The following POMGNT2 variants were observed in gnomAD, a reference collection of about 807,000 sequenced individuals.
The protein encoded by POMGNT2 is protein O-linked mannose N-acetylglucosaminyltransferase 2 (beta 1,4-).
POMGNT2 carries 32 observed loss-of-function variants against 37.8 expected under a neutral mutation model. The observed-to-expected ratio is 0.85, with a 90% CI of 0.64 to 1.14. The LOEUF is 1.14. Among genes scored for constraint, POMGNT2 ranks in the 50% most tolerant of loss-of-function variants. The pLI, the probability that POMGNT2 is intolerant of heterozygous loss-of-function variation, is 0.00. For synonymous variants in POMGNT2, 340 were observed against 336.8 expected (o/e 1.01, Z -0.10); for missense variants, 705 against 780.6 (o/e 0.90, Z 1.15).
At chr3:43,093,156 G>A (rs2089956292) in intron 1 of POMGNT2, among the ~76,000 whole-genome samples, 1 of 152,212 alleles carries the variant, frequency 6.6e-6, no homozygotes, top group South Asian at 2.1e-4. Context: ...GCAGGCAGGA[G>A]TCTAGGGTCC....
Position 43,079,701 on chromosome 3 carries a change from C to A in POMGNT2, c.1731G>T (p.Val577=). ...ILLGPFADVL[V]CNT ...TGTGGCCTGCTCGCTACGTGTTGCACACCAGCACATCTGCAAAGGGTCCCA... is the reference window on the plus strand; with the variant it reads ...TGTGGCCTGCTCGCTACGTGTTGCAAACCAGCACATCTGCAAAGGGTCCCA... Residue 577 remains valine, a synonymous_variant, in exon 2 of 2, where the codon GTG becomes GTT. Transcript: ENST00000344697. 1 of 1,612,818 alleles carries A rather than the reference C, an allele frequency of 6.2e-7. No homozygotes were observed.
At chr3:43,085,614 CTCTT>C (rs764195147) in intron 1 of POMGNT2, among the ~76,000 whole-genome samples, 1 of 152,104 alleles carries the variant, frequency 6.6e-6, no homozygotes, top group Non-Finnish European at 1.5e-5. Context: ...TCCAATAAAC[CTCTT>C]TCTTTTGTGA....
intron 1 of POMGNT2, among the ~76,000 whole-genome samples, chr3:43,096,693 C>A (rs1023310621): frequency 6.6e-6 from 1 of 152,122 alleles, no homozygotes; most frequent in Non-Finnish European, 1.5e-5. Context: ...AATTTAGAGA[C>A]CAACTGGAGT....
intron 1 of POMGNT2, among the ~76,000 whole-genome samples, chr3:43,097,309 G>A (rs1207819661): frequency 4.6e-5 from 7 of 152,194 alleles, no homozygotes; most frequent in Non-Finnish European, 2.9e-5. Flanking sequence ...AGAATGGCGG[G>A]AAAGCAGCCT....
rs762976283 is a variant in POMGNT2, at chr3:43,080,685, C to A, written c.747G>T (p.Gln249His). Residue 249 changes from glutamine (Q) to histidine (H), a missense_variant, in exon 2 of 2, where the codon CAG becomes CAT. Physicochemically the swap from Gln to His is conservative, Grantham distance 24. Transcript: ENST00000344697. ...ITTWYQYGFV[Q>H]PQGPKANILV... ...GGATGTTGGCCTTCGGGCCCTGGGGCTGCACAAAGCCATACTGGTACCAGG... is the reference window on the plus strand; with the variant it reads ...GGATGTTGGCCTTCGGGCCCTGGGGATGCACAAAGCCATACTGGTACCAGG... 1.9e-6 allele frequency: 3 copies of A among 1,614,220 alleles called. No homozygotes were observed. The highest frequency in any genetic ancestry group is 2.2e-5 in the South Asian group (2 of 91,088).
chr3:43,094,235 G>A (rs2089963466), intron 1 of POMGNT2, among the ~76,000 whole-genome samples: 1 of 152,220 alleles, frequency 6.6e-6, no homozygotes, highest in African/African-American at 2.4e-5. Context: ...ATGGAGGCAA[G>A]GAGTACATTA....
Position 43,080,901 on chromosome 3 carries a change from G to A in POMGNT2, c.531C>T (p.Tyr177=), listed in dbSNP as rs895983634. The change falls in exon 2 of 2, where the codon TAC becomes TAT. Residue 177 remains tyrosine (Y), a synonymous_variant. Transcript: ENST00000344697. ...VFHDDLLPLF[Y]TLRQFPGLAH... ...CCAGGCCGGGAAACTGCCGCAGGGTGTAGAAGAGTGGCAGCAGGTCGTCAT... is the reference window on the plus strand; with the variant it reads ...CCAGGCCGGGAAACTGCCGCAGGGTATAGAAGAGTGGCAGCAGGTCGTCAT... 13 of 1,614,086 alleles carry A rather than the reference G, an allele frequency of 8.1e-6. No homozygotes were observed. The highest frequency in any genetic ancestry group is 3.3e-5 in the Admixed American group (2 of 60,016).
intron 1 of POMGNT2, among the ~76,000 whole-genome samples, chr3:43,093,316 T>G (rs972055368): frequency 1.3e-5 from 2 of 152,210 alleles, no homozygotes; most frequent in Non-Finnish European, 2.9e-5. Flanking sequence ...CCTTTGAGAC[T>G]GGAGGACGTG....
In POMGNT2 at chr3:43,092,400, C is replaced by T. The variant is rs537844863; in HGVS notation, c.-105-10864G>A. On this transcript the variant is annotated intron_variant, in intron 1 of 1. Transcript: ENST00000344697. ...GCAACCTCAAATTCCTGGGCTCAGG[C>T]GATCCTCCCATCTCAGCCTCCCAAA... Among the ~76,000 whole-genome samples the T allele has an allele frequency of 3.9e-5, 6 of 152,236 alleles. No individual in the cohort carries two copies. In the South Asian group the frequency reaches 6.2e-4, roughly 16 times the overall value.
intron 1 of POMGNT2, among the ~76,000 whole-genome samples, chr3:43,083,041 T>G (rs1039382230): frequency 7.9e-5 from 12 of 152,128 alleles, no homozygotes; most frequent in African/African-American, 2.7e-4. Context: ...TGGGCATTAC[T>G]TAGTTGAAGG....
At chr3:43,091,056 T>C (rs2089939543) in intron 1 of POMGNT2, among the ~76,000 whole-genome samples, 1 of 152,210 alleles carries the variant, frequency 6.6e-6, no homozygotes, top group Admixed American at 6.5e-5. Flanking sequence ...GTTGGAATTA[T>C]AGGCGTTCCT....
rs2089852276 is a variant in POMGNT2, at chr3:43,081,232, A to G, written c.200T>C (p.Met67Thr). ...LQILMEGGTH[M>T]VCTGRTHTDR... Reference sequence around the variant, plus strand: ...TGTGTGCGTGCGGCCCGTGCACACCATGTGTGTGCCGCCCTCCATCAGGAT... The same window carrying G: ...TGTGTGCGTGCGGCCCGTGCACACCGTGTGTGTGCCGCCCTCCATCAGGAT... Residue 67 changes from methionine (M) to threonine (T), a missense_variant, in exon 2 of 2, where the codon ATG becomes ACG. Physicochemically the swap from Met to Thr is moderately conservative, Grantham distance 81 (BLOSUM62 -1). Coordinates refer to ENST00000344697, the MANE Select transcript of POMGNT2 (RefSeq NM_032806.6). 6.2e-7 allele frequency: 1 copy of G among 1,613,866 alleles called. No homozygotes were observed. The highest frequency in any genetic ancestry group is 8.5e-7 in the Non-Finnish European group (1 of 1,179,940).
In POMGNT2 at chr3:43,079,345, G is replaced by A. The variant is rs552089226; in HGVS notation, c.*344C>T. The A allele has an allele frequency of 1.5e-5, 4 of 269,134 alleles. No homozygotes were observed. The highest frequency in any genetic ancestry group is 4.9e-5 in the Admixed American group (1 of 20,356). The allele number at this position is 269,134 out of a possible 1,614,324, so 16.7% of individuals were successfully genotyped here. On this transcript the variant is annotated 3_prime_UTR_variant, in exon 2 of 2. Transcript: ENST00000344697. ...CCAATCAAACAGTACATGATTACTC[G>A]GTTTCCAGAAATCTGGATACCAGAA...
intron 1 of POMGNT2, among the ~76,000 whole-genome samples, chr3:43,083,166 G>A (rs1180810430): frequency 1.3e-5 from 2 of 152,046 alleles, no homozygotes; most frequent in Non-Finnish European, 2.9e-5. Context: ...GAAAATTACC[G>A]TGACCAAGTA....
chr3:43,084,514 G>A (rs1445192358), intron 1 of POMGNT2, among the ~76,000 whole-genome samples: 5 of 152,004 alleles, frequency 3.3e-5, no homozygotes, highest in African/African-American at 4.8e-5. Flanking sequence ...GCATGGTGGC[G>A]GGCGCCTGTA....
intron 1 of POMGNT2, among the ~76,000 whole-genome samples, chr3:43,092,652 T>C (rs2089952433): frequency 6.6e-6 from 1 of 152,220 alleles, no homozygotes; most frequent in South Asian, 2.1e-4. Flanking sequence ...TGAACGTGGT[T>C]TGCTCTAAAA....
chr3:43,103,859 TG>T (rs1242237968), intron 1 of POMGNT2, among the ~76,000 whole-genome samples: 1 of 152,170 alleles, frequency 6.6e-6, no homozygotes, highest in East Asian at 1.9e-4. Context: ...CTTCCTGGCT[TG>T]AAAAACACAA....
At chr3:43,101,729 T>C (rs1043459155) in intron 1 of POMGNT2, among the ~76,000 whole-genome samples, 3 of 152,290 alleles carry the variant, frequency 2.0e-5, no homozygotes, top group East Asian at 3.9e-4. Flanking sequence ...CTAATTCAAT[T>C]GAGAATAACC....
Position 43,080,375 on chromosome 3 carries a change from G to T in POMGNT2, c.1057C>A (p.Leu353Ile). ...SMHGAQLVTT[L>I]FLPRGATVVE... is the part of the protein sequence containing the mutation. ...ACAGTTGCCCCACGGGGCAGGAAGA[G>T]GGTGGTGACCAGCTGGGCCCCATGC... The change falls in exon 2 of 2, where the codon CTC (leucine) becomes ATC (isoleucine). Residue 353 changes from leucine to isoleucine, a missense_variant. Physicochemically the swap from Leu to Ile is conservative, Grantham distance 5. Transcript: ENST00000344697. 1 of 1,614,188 alleles carries T rather than the reference G, an allele frequency of 6.2e-7. No individual in the cohort carries two copies. The highest frequency in any genetic ancestry group is 8.5e-7 in the Non-Finnish European group (1 of 1,180,024).
Sources: gnomAD v4.1 joint callset for allele counts (sites outside exome capture counted in the v4.1 genomes callset) on GRCh38, gnomAD v4.1.1 for gene constraint, MANE v1.5 for transcripts, NCBI Gene and HGNC (gene_info 2026-07-23, HGNC 2026-07-21) for gene names.